CPPED1: variants seen among roughly 807,000 people sequenced by gnomAD.
CPPED1 encodes serine/threonine-protein phosphatase CPPED1.
CPPED1 carries 28 observed loss-of-function variants against 28.0 expected under a neutral mutation model. That is an observed-to-expected ratio of 1.00 (90% CI 0.74 to 1.37). The LOEUF (loss-of-function observed/expected upper bound fraction) is 1.37. Ranked by LOEUF, CPPED1 falls within the 40% of genes most tolerant of loss-of-function variation. The pLI is 0.00. For missense variants in CPPED1, 504 were observed against 416.5 expected, an observed-to-expected ratio of 1.21 and a Z score of -1.83; for synonymous variants, 198 against 180.2, an observed-to-expected ratio of 1.10 and a Z score of -0.79.
chr16:12,682,573 A>G lies in CPPED1; in HGVS notation c.716-17458T>C, dbSNP rs894919547. 2.6e-5 allele frequency among the ~76,000 whole-genome samples: 4 copies of G among 152,170 alleles called. No individual in the cohort carries two copies. Among genetic ancestry groups the G allele is most frequent in the African/African-American group, 9.7e-5 (4 of 41,438 alleles). On this transcript the variant is annotated intron_variant, in intron 3 of 3. Transcript: ENST00000381774. This position sits in a 1 kb window ranked among gnomAD's most constrained non-coding sequence, Gnocchi z 6.1. ...CTGTGTAGGTGTGGCATGGGCAGCA[A>G]CATATCTGAACTCCTCATTTGGAAG...
intron 3 of CPPED1, among the ~76,000 whole-genome samples, chr16:12,681,755 T>C (rs935944564): frequency 5.3e-5 from 8 of 152,048 alleles, no homozygotes; most frequent in Non-Finnish European, 8.8e-5. Flanking sequence ...CACCAACACC[T>C]GGAGGCAGCT....
intron 3 of CPPED1, among the ~76,000 whole-genome samples, chr16:12,665,609 T>A (rs1425678714): frequency 6.6e-6 from 1 of 151,590 alleles, no homozygotes; most frequent in South Asian, 2.1e-4. Context: ...CTGGCCAACA[T>A]GATGAAACTC....
chr16:12,793,261 C>G (rs1284246109), intron 1 of CPPED1, among the ~76,000 whole-genome samples: 3 of 152,206 alleles, frequency 2.0e-5, no homozygotes, highest in Non-Finnish European at 4.4e-5. Flanking sequence ...GCAGGGTCAT[C>G]AGGCTGATTG....
intron 1 of CPPED1, among the ~76,000 whole-genome samples, chr16:12,792,238 C>A (rs1326364941): frequency 6.6e-6 from 1 of 152,168 alleles, no homozygotes; most frequent in Non-Finnish European, 1.5e-5. Context: ...CAGGCCTGAA[C>A]CGCTATGCCT....
At chr16:12,784,592 T>C (rs1596484439) in intron 1 of CPPED1, among the ~76,000 whole-genome samples, 1 of 152,166 alleles carries the variant, frequency 6.6e-6, no homozygotes, top group East Asian at 1.9e-4. Flanking sequence ...TTTGTGTCTT[T>C]ATGTTATTAA....
intron 3 of CPPED1, among the ~76,000 whole-genome samples, chr16:12,676,322 T>G (rs1229270441): frequency 6.6e-6 from 1 of 152,138 alleles, no homozygotes; most frequent in Non-Finnish European, 1.5e-5. Context: ...AATCAACAAC[T>G]CAAGGTCTAT....
intron 3 of CPPED1, among the ~76,000 whole-genome samples, chr16:12,690,238 G>T (rs2079955276): frequency 6.6e-6 from 1 of 152,184 alleles, no homozygotes. Context: ...AAGGCCAAGT[G>T]TGGTGGCTCA....
At chr16:12,736,613 G>T (rs1367689667) in intron 2 of CPPED1, among the ~76,000 whole-genome samples, 1 of 152,158 alleles carries the variant, frequency 6.6e-6, no homozygotes, top group Non-Finnish European at 1.5e-5. Context: ...CTAGCCCATA[G>T]AAGTGAATAC....
intron 1 of CPPED1, among the ~76,000 whole-genome samples, chr16:12,784,575 AC>A (rs2080551992): frequency 6.6e-6 from 1 of 150,696 alleles, no homozygotes; most frequent in Admixed American, 6.6e-5. Context: ...AAAAACTGAG[AC>A]TCTGCTTTGT....
intron 2 of CPPED1, among the ~76,000 whole-genome samples, chr16:12,777,277 T>C (rs2080503220): frequency 6.6e-6 from 1 of 152,224 alleles, no homozygotes; most frequent in South Asian, 2.1e-4. Flanking sequence ...AATGTATATG[T>C]TAGTAACAAA....
At chr16:12,733,447 G>A (rs1313754240) in intron 2 of CPPED1, among the ~76,000 whole-genome samples, 2 of 152,012 alleles carry the variant, frequency 1.3e-5, no homozygotes, top group African/African-American at 4.8e-5. Context: ...GCTAATTTTT[G>A]TATTTTTAGT....
At chr16:12,737,544 G>T (rs1263001328) in intron 2 of CPPED1, among the ~76,000 whole-genome samples, 1 of 152,172 alleles carries the variant, frequency 6.6e-6, no homozygotes, top group Non-Finnish European at 1.5e-5. Context: ...TTTTAAGCAG[G>T]CAAGGGCATA....
intron 2 of CPPED1, among the ~76,000 whole-genome samples, chr16:12,766,265 A>G (rs1230331181): frequency 1.4e-5 from 2 of 143,702 alleles, no homozygotes; most frequent in Non-Finnish European, 3.0e-5. Context: ...ATAGAGAGAG[A>G]GAGAGAGAGA....
intron 2 of CPPED1, among the ~76,000 whole-genome samples, chr16:12,766,605 GAC>G (rs1311387940): frequency 6.6e-6 from 1 of 152,008 alleles, no homozygotes; most frequent in Non-Finnish European, 1.5e-5. Flanking sequence ...TGTGGGTGGG[GAC>G]ACAGAGCCAA....
Position 12,786,641 on chromosome 16 carries a change from T to C in CPPED1, c.71-5238A>G, listed in dbSNP as rs577152741. Reference sequence around the variant, plus strand: ...ATTCTTTGAAAAGTAAGAAGTTGGGTTGGGCATGGTGGCTCACACCTGTAA... The same window carrying C: ...ATTCTTTGAAAAGTAAGAAGTTGGGCTGGGCATGGTGGCTCACACCTGTAA... On this transcript the variant is annotated intron_variant, in intron 1 of 3. Transcript: ENST00000381774. Among the ~76,000 whole-genome samples the C allele has an allele frequency of 8.5e-5, 13 of 152,124 alleles. No individual in the cohort carries two copies. The South Asian group carries it at 1.7e-3, about 19-fold the overall frequency.
intron 2 of CPPED1, among the ~76,000 whole-genome samples, chr16:12,745,635 G>A (rs987470730): frequency 3.9e-5 from 6 of 152,222 alleles, no homozygotes; most frequent in African/African-American, 1.4e-4. Flanking sequence ...GAACTTATGT[G>A]TACAAAGAAG....
chr16:12,699,780 G>A (rs2080010716), intron 3 of CPPED1, among the ~76,000 whole-genome samples: 1 of 146,952 alleles, frequency 6.8e-6, no homozygotes, highest in African/African-American at 2.4e-5. Flanking sequence ...ACAGTAGTAG[G>A]GAATAATATT....
At chr16:12,706,461 T>TTCCC (rs1356992245) in intron 2 of CPPED1, among the ~76,000 whole-genome samples, 1 of 137,524 alleles carries the variant, frequency 7.3e-6, no homozygotes, top group Non-Finnish European at 1.6e-5. Flanking sequence ...CCTCTCTCCC[T>TTCCC]TCCTTCCTTC....
chr16:12,730,932 G>T (rs1176803967), intron 2 of CPPED1, among the ~76,000 whole-genome samples: 1 of 152,094 alleles, frequency 6.6e-6, no homozygotes, highest in East Asian at 1.9e-4. Context: ...CTATCCTTGG[G>T]TATAGGAATA....
Sources: gnomAD v4.1 joint callset for allele counts (sites outside exome capture counted in the v4.1 genomes callset) on GRCh38, gnomAD v4.1.1 for gene constraint, Gnocchi (gnomAD v3.1) non-coding constraint, MANE v1.5 for transcripts, NCBI Gene and HGNC (gene_info 2026-07-23, HGNC 2026-07-21) for gene names.